FAM163A: variants seen among roughly 807,000 people sequenced by gnomAD.
FAM163A encodes the protein family with sequence similarity 163 member A.
Under a neutral mutation model 12.0 loss-of-function variants are expected in FAM163A, and 7 were observed. The ratio of observed to expected loss-of-function variants is 0.58; its 90% CI spans 0.33 to 1.10. FAM163A has a LOEUF of 1.10. Among genes scored for constraint, FAM163A ranks in the 50% least tolerant of loss-of-function variants. FAM163A has a pLI of 0.03. For synonymous variants in FAM163A, 101 were observed against 91.0 expected, an observed-to-expected ratio of 1.11 and a Z score of -0.62; for missense variants, 202 against 218.6, an observed-to-expected ratio of 0.92 and a Z score of 0.48.
At chr1:179,790,455 A>G (rs1399217398) in intron 1 of FAM163A, among the ~76,000 whole-genome samples, 1 of 152,102 alleles carries the variant, frequency 6.6e-6, no homozygotes, top group Non-Finnish European at 1.5e-5. Context: ...GGTCTGGCTG[A>G]CAGTCTCTAG....
At chr1:179,744,609 G>C (rs1351696005) in intron 1 of FAM163A, among the ~76,000 whole-genome samples, 1 of 152,340 alleles carries the variant, frequency 6.6e-6, no homozygotes, top group South Asian at 2.1e-4. Context: ...TCCTCTGAGT[G>C]GAACTGTGGG....
chr1:179,790,559 G>C (rs971494937), intron 1 of FAM163A, among the ~76,000 whole-genome samples: 20 of 152,266 alleles, frequency 1.3e-4, no homozygotes, highest in African/African-American at 4.6e-4. Context: ...AAGTGAGGCA[G>C]ACCTGGCCTC....
At chr1:179,730,966 C>G in the FAM163A span, among the ~76,000 whole-genome samples, 1 of 152,128 alleles carries the variant, frequency 6.6e-6, no homozygotes, top group Non-Finnish European at 1.5e-5. Context: ...AAGGTTTACA[C>G]AGAGGTTTCT....
At chr1:179,790,745 A>T (rs1280959125) in intron 1 of FAM163A, among the ~76,000 whole-genome samples, 1 of 151,338 alleles carries the variant, frequency 6.6e-6, no homozygotes, top group Non-Finnish European at 1.5e-5. Context: ...CAAAAGGTCC[A>T]CTGTCAAGGT....
chr1:179,749,228 T>C (rs1331894321), intron 1 of FAM163A, among the ~76,000 whole-genome samples: 1 of 152,100 alleles, frequency 6.6e-6, no homozygotes, highest in East Asian at 1.9e-4. Context: ...GGGCTGATGA[T>C]GGAGAGAGAG....
chr1:179,745,771 C>T (rs1019634657), intron 1 of FAM163A, among the ~76,000 whole-genome samples: 2 of 152,144 alleles, frequency 1.3e-5, no homozygotes, highest in Admixed American at 1.3e-4. Flanking sequence ...GTAGGGTAAA[C>T]GATTTGCCAA....
intron 3 of FAM163A, among the ~76,000 whole-genome samples, chr1:179,812,593 G>A (rs1694845412): frequency 1.3e-5 from 2 of 152,224 alleles, no homozygotes; most frequent in Non-Finnish European, 1.5e-5. Flanking sequence ...TGGGATGAAC[G>A]GGCTGGGTGG....
Position 179,814,104 on chromosome 1 carries a change from C to T in FAM163A, c.419C>T (p.Ala140Val), listed in dbSNP as rs1695077985. The change falls in exon 5 of 5, where the codon GCA becomes GTA. Residue 140 changes from alanine to valine, a missense_variant. Ala to Val is a moderately conservative substitution (Grantham distance 64). Coordinates refer to ENST00000341785, the MANE Select transcript of FAM163A (RefSeq NM_173509.3). ...GGGGGACCCCCATCCCTCAAATTGG[C>T]AGCACCCCAGAGTTACCCGGTGACC... Reference protein sequence around the residue: ...KEGGPPSLKLAAPQSYPVTWP... With the variant: ...KEGGPPSLKLVAPQSYPVTWP... 3 of 1,614,222 alleles carry T rather than the reference C, an allele frequency of 1.9e-6. No homozygotes were observed. Among genetic ancestry groups the T allele is most frequent in the Non-Finnish European group, 2.5e-6 (3 of 1,180,034 alleles).
At chr1:179,764,620 C>T (rs1029652561) in intron 1 of FAM163A, among the ~76,000 whole-genome samples, 1 of 152,186 alleles carries the variant, frequency 6.6e-6, no homozygotes, top group East Asian at 1.9e-4. Flanking sequence ...AGAATCCCCT[C>T]GGTCCTCGGC....
chr1:179,779,089 T>C (rs4448483), intron 1 of FAM163A, among the ~76,000 whole-genome samples: 69,003 of 152,104 alleles, frequency 0.45, 16,595 homozygotes, highest in African/African-American at 0.61. Context: ...TCAGTGTACA[T>C]TCATATCAAA....
intron 3 of FAM163A, among the ~76,000 whole-genome samples, chr1:179,812,702 G>A (rs951455752): frequency 2.0e-5 from 3 of 152,192 alleles, no homozygotes; most frequent in Non-Finnish European, 2.9e-5. Context: ...AGTAAGATGC[G>A]TGGGGGTGCT....
At position 179,776,623 on chromosome 1, in the gene FAM163A, C is replaced by T. The variant is rs1689020536; in HGVS notation, c.-135-31175C>T. On this transcript the variant is annotated intron_variant, in intron 1 of 4. Transcript: ENST00000341785. ...TGTATCGGCCCTGAGAAAGCCCCTT[C>T]ATTTCCATAGGATGCCAGGCCTACC... 2.0e-5 allele frequency among the ~76,000 whole-genome samples: 3 copies of T among 152,198 alleles called. No individual in the cohort carries two copies. The South Asian group carries it at 6.2e-4, about 32-fold the overall frequency.
Position 179,773,630 on chromosome 1 carries a change from G to A in FAM163A, c.-136+30207G>A, listed in dbSNP as rs138375485. ...CTGCTGTAAACCTAACCCATTCCCCGCTGTAAGCAGTCCAAGGTTCTTAGC... is the reference window on the plus strand; with the variant it reads ...CTGCTGTAAACCTAACCCATTCCCCACTGTAAGCAGTCCAAGGTTCTTAGC... On this transcript the variant is annotated intron_variant, in intron 1 of 4. Coordinates refer to ENST00000341785, the MANE Select transcript of FAM163A (RefSeq NM_173509.3). Among the ~76,000 whole-genome samples the A allele has an allele frequency of 1.9e-3, 288 of 152,250 alleles. 1 individual carries two copies. The highest frequency in any genetic ancestry group is 6.7e-3 in the African/African-American group (279 of 41,534).
chr1:179,782,619 CT>C (rs1271833340), intron 1 of FAM163A, among the ~76,000 whole-genome samples: 1 of 152,198 alleles, frequency 6.6e-6, no homozygotes, highest in Non-Finnish European at 1.5e-5. Context: ...CACCCTGAAG[CT>C]GCTGCCATCT....
At chr1:179,796,981 G>A (rs1260106272) in intron 1 of FAM163A, among the ~76,000 whole-genome samples, 3 of 152,128 alleles carry the variant, frequency 2.0e-5, no homozygotes, top group East Asian at 1.9e-4. Context: ...TGTATGACAC[G>A]GGGGCTCCTG....
At position 179,793,572 on chromosome 1, in the gene FAM163A, G is replaced by T. The variant is rs553217109; in HGVS notation, c.-135-14226G>T. Among the ~76,000 whole-genome samples the T allele has an allele frequency of 1.1e-4, 16 of 152,300 alleles. No individual in the cohort carries two copies. In the South Asian group the frequency reaches 2.9e-3, roughly 28 times the overall value. On this transcript the variant is annotated intron_variant, in intron 1 of 4. Transcript: ENST00000341785. The stretch of plus-strand genomic sequence containing the variant: ...GGCAGTGAAACCCCAGCTCTAGAGG[G>T]TGTCTTATTAAAGCTCAAGGGATCC...
chr1:179,793,686 G>T (rs1228278603), intron 1 of FAM163A, among the ~76,000 whole-genome samples: 1 of 152,204 alleles, frequency 6.6e-6, no homozygotes, highest in African/African-American at 2.4e-5. Context: ...TGATAGAACT[G>T]GGTGCTTTTC....
In FAM163A at chr1:179,800,618, C is replaced by T. The variant is rs76958660; in HGVS notation, c.-135-7180C>T. 2.0e-4 allele frequency among the ~76,000 whole-genome samples: 31 copies of T among 152,326 alleles called. No homozygotes were observed. The East Asian group carries it at 4.2e-3, about 21-fold the overall frequency. ...CAGAGGACAGGCCATGTTTTCTCTCCGCGTCCCCTCCTGTGAGCTCCTTGA... is the reference window on the plus strand; with the variant it reads ...CAGAGGACAGGCCATGTTTTCTCTCTGCGTCCCCTCCTGTGAGCTCCTTGA... On this transcript the variant is annotated intron_variant, in intron 1 of 4. Transcript: ENST00000341785.
chr1:179,743,761 G>A (rs917475257), intron 1 of FAM163A, among the ~76,000 whole-genome samples: 1 of 152,134 alleles, frequency 6.6e-6, no homozygotes, highest in African/African-American at 2.4e-5. Context: ...CTCGGGGCCG[G>A]ACTTGCCGGG....
Sources: allele counts gnomAD v4.1 joint callset (sites outside exome capture counted in the v4.1 genomes callset), GRCh38; gene constraint gnomAD v4.1.1; transcripts MANE v1.5; gene names NCBI Gene and HGNC (gene_info 2026-07-23, HGNC 2026-07-21).